CACNA1C: variants seen among roughly 807,000 people sequenced by gnomAD.
CACNA1C encodes calcium voltage-gated channel subunit alpha1 C.
In CACNA1C, 30 loss-of-function variants were observed where a neutral mutation model predicts 229.0. The ratio of observed to expected loss-of-function variants is 0.13; its 90% CI spans 0.10 to 0.18. The LOEUF (loss-of-function observed/expected upper bound fraction) is 0.18. Ranked by LOEUF, CACNA1C falls within the 10% of genes least tolerant of loss-of-function variation. The probability of loss-of-function intolerance (pLI) is 1.00; values close to 1 mark genes in which losing one functional copy is unlikely to be tolerated. For missense variants in CACNA1C, 1,658 were observed against 2,845.0 expected (o/e 0.58, Z 9.49); for synonymous variants, 1,114 against 1,132.5 (o/e 0.98, Z 0.33).
chr12:2,567,768 G>T lies in CACNA1C; in HGVS notation c.1869G>T (p.Arg623=). The change falls in exon 13 of 47, where the codon CGG becomes CGT. Residue 623 remains arginine (R), a synonymous_variant. Transcript: ENST00000399655. ...PLGISVLRCV[R]LLRIFKITRY... ...GCATCTCCGTGCTCAGATGCGTCCG[G>T]CTGCTGAGGATTTTCAAGATCACGA... is the stretch of plus-strand genomic sequence containing the variant. The T allele has an allele frequency of 6.2e-7, 1 of 1,611,092 alleles. No individual in the cohort carries two copies. The highest frequency in any genetic ancestry group is 8.5e-7 in the Non-Finnish European group (1 of 1,177,564).
chr12:2,627,025 G>A (rs999795601), intron 29 of CACNA1C, among the ~76,000 whole-genome samples: 2 of 152,204 alleles, frequency 1.3e-5, no homozygotes, highest in African/African-American at 4.8e-5. Flanking sequence ...AGGAGTGTGT[G>A]TTCCTCCTGC....
chr12:2,497,980 C>T (rs2099750474), intron 7 of CACNA1C, among the ~76,000 whole-genome samples: 1 of 151,478 alleles, frequency 6.6e-6, no homozygotes, highest in Non-Finnish European at 1.5e-5. Context: ...CACACACACA[C>T]ACACACACAC....
intron 3 of CACNA1C, among the ~76,000 whole-genome samples, chr12:2,360,935 C>T (rs905226784): frequency 8.5e-5 from 13 of 152,182 alleles, no homozygotes; most frequent in Non-Finnish European, 1.6e-4. Context: ...TGTGTGTAGG[C>T]CTGCCGTTCA....
intron 31 of CACNA1C, among the ~76,000 whole-genome samples, chr12:2,650,607 C>T (rs1449702584): frequency 6.6e-6 from 1 of 152,146 alleles, no homozygotes; most frequent in African/African-American, 2.4e-5. Context: ...GGAGGAGGGC[C>T]AAGTGGGGAG....
intron 42 of CACNA1C, chr12:2,680,214 A>C: frequency 1.7e-6 from 1 of 582,384 alleles, no homozygotes; most frequent in Middle Eastern, 3.5e-4. Flanking sequence ...CCCCTTTGCC[A>C]GCCTCCCGGA....
intron 18 of CACNA1C, among the ~76,000 whole-genome samples, chr12:2,590,194 C>G (rs2064585434): frequency 6.6e-6 from 1 of 152,154 alleles, no homozygotes; most frequent in African/African-American, 2.4e-5. Context: ...AGCAAAATCA[C>G]AGAAGTGAGG....
intron 3 of CACNA1C, among the ~76,000 whole-genome samples, chr12:2,381,813 A>G (rs112886650): frequency 0.019 from 2,952 of 152,342 alleles, 34 homozygotes; most frequent in Non-Finnish European, 0.027. Context: ...TTACTAACAA[A>G]TTAATAATAA....
At chr12:2,336,086 T>G (rs913717293) in intron 3 of CACNA1C, among the ~76,000 whole-genome samples, 2 of 150,388 alleles carry the variant, frequency 1.3e-5, no homozygotes, top group Non-Finnish European at 3.0e-5. Context: ...ATTTCCTTAC[T>G]ATTTTAAGCC....
intron 1 of CACNA1C, among the ~76,000 whole-genome samples, chr12:2,101,618 G>A (rs766059205): frequency 2.0e-5 from 3 of 152,162 alleles, no homozygotes; most frequent in East Asian, 1.9e-4. Flanking sequence ...ACTGAGTCCC[G>A]TGACCCACGA....
Position 2,679,398 on chromosome 12 carries a change from T to G in CACNA1C, c.5092-46T>G. ...TGTGGAGGCTGCTCTCTGGGAGGAG[T>G]GGGTGCTAAGGGGCTTCTCCACCCA... On this transcript the variant is annotated intron_variant, in intron 41 of 46. Transcript: ENST00000399655. The surrounding 1 kb of genome is among the most constrained non-coding windows in gnomAD (Gnocchi z 5.5). 2 of 1,360,684 alleles carry G rather than the reference T, an allele frequency of 1.5e-6. No individual in the cohort carries two copies. The highest frequency in any genetic ancestry group is 1.5e-5 in the South Asian group (1 of 68,204). 84.3% of individuals were successfully genotyped at this position (1,360,684 alleles called of 1,614,324 possible).
intron 3 of CACNA1C, among the ~76,000 whole-genome samples, chr12:2,320,792 C>G (rs2154494739): frequency 6.6e-6 from 1 of 152,318 alleles, no homozygotes; most frequent in South Asian, 2.1e-4. Flanking sequence ...GCAGTCTCAG[C>G]CAGGCATTCA....
chr12:2,085,745 G>A (rs1176796260), intron 1 of CACNA1C, among the ~76,000 whole-genome samples: 3 of 152,156 alleles, frequency 2.0e-5, no homozygotes, highest in Non-Finnish European at 2.9e-5. Context: ...GGAAACAAAA[G>A]CCTCACTCAG....
rs1476280118 is a variant in CACNA1C, at chr12:2,630,443, C to T, written c.3829-3854C>T. On this transcript the variant is annotated intron_variant, in intron 29 of 46. Coordinates refer to ENST00000399655, the MANE Select transcript of CACNA1C (RefSeq NM_000719.7). This position sits in a 1 kb window ranked among gnomAD's most constrained non-coding sequence, Gnocchi z 5.4. ...AACCACCTGGGGACTTGGGGACCAGCAGGAAGGACCTGGGCCTTGTTTCTG... is the reference window on the plus strand; with the variant it reads ...AACCACCTGGGGACTTGGGGACCAGTAGGAAGGACCTGGGCCTTGTTTCTG... Among the ~76,000 whole-genome samples the T allele has an allele frequency of 6.6e-6, 1 of 152,054 alleles. No individual in the cohort carries two copies. The highest frequency in any genetic ancestry group is 1.9e-4 in the East Asian group (1 of 5,172).
intron 3 of CACNA1C, among the ~76,000 whole-genome samples, chr12:2,253,085 CCTAT>C: frequency 6.6e-6 from 1 of 152,290 alleles, no homozygotes; most frequent in Non-Finnish European, 1.5e-5. Flanking sequence ...GGAGAAGTGA[CCTAT>C]CTGACTGGTG....
chr12:1,982,299 C>A (rs1301822373), intron 1 of CACNA1C, among the ~76,000 whole-genome samples: 3 of 152,072 alleles, frequency 2.0e-5, no homozygotes, highest in Non-Finnish European at 4.4e-5. Context: ...TATTGTGCAA[C>A]CATCACCGCT....
At chr12:1,989,167 T>G (rs1384102649) in intron 1 of CACNA1C, among the ~76,000 whole-genome samples, 3 of 152,060 alleles carry the variant, frequency 2.0e-5, no homozygotes, top group Non-Finnish European at 4.4e-5. Context: ...GAAGATCACT[T>G]GAGGCCAGGA....
rs180933792 is a variant in CACNA1C, at chr12:2,284,475, C to T, written c.477+164045C>T. On this transcript the variant is annotated intron_variant, in intron 3 of 46. Coordinates refer to ENST00000399655, the MANE Select transcript of CACNA1C (RefSeq NM_000719.7). The stretch of plus-strand genomic sequence containing the variant: ...TGGGGGAGGAGGGTGCAGAACAGGA[C>T]CCAGGCGCAGCACAGAACAGCCCTC... Among the ~76,000 whole-genome samples, 255 of 152,212 alleles carry T rather than the reference C, an allele frequency of 1.7e-3. 2 individuals are homozygous for T. Among genetic ancestry groups the T allele is most frequent in the African/African-American group, 5.8e-3 (241 of 41,534 alleles).
At chr12:2,068,772 A>G (rs916243800) in intron 1 of CACNA1C, among the ~76,000 whole-genome samples, 2 of 152,172 alleles carry the variant, frequency 1.3e-5, no homozygotes, top group Admixed American at 6.5e-5. Context: ...CTGGAAACCT[A>G]CTTGCAGAGT....
chr12:1,973,922 C>T (rs1156603475), intron 1 of CACNA1C, among the ~76,000 whole-genome samples: 1 of 152,148 alleles, frequency 6.6e-6, no homozygotes, highest in East Asian at 1.9e-4. Context: ...TCTACTCGTC[C>T]TTGAAGACCC....
Sources: allele counts gnomAD v4.1 joint callset (sites outside exome capture counted in the v4.1 genomes callset), GRCh38; gene constraint gnomAD v4.1.1; non-coding constraint Gnocchi (gnomAD v3.1); transcripts MANE v1.5; gene names NCBI Gene and HGNC (gene_info 2026-07-23, HGNC 2026-07-21).